Variants in CDH12 observed in about 807,000 individuals in gnomAD.
CDH12 encodes the protein cadherin 12.
In CDH12, 41 loss-of-function variants were observed where a neutral mutation model predicts 74.1. The ratio of observed to expected loss-of-function variants is 0.55; its 90% CI spans 0.43 to 0.72. The LOEUF (loss-of-function observed/expected upper bound fraction) is 0.72. Ranked by LOEUF, CDH12 falls within the 30% of genes least tolerant of loss-of-function variation. CDH12 has a pLI of 0.00. For missense variants in CDH12, 945 were observed against 977.2 expected, an observed-to-expected ratio of 0.97 and a Z score of 0.44; for synonymous variants, 399 against 355.0, an observed-to-expected ratio of 1.12 and a Z score of -1.39.
chr5:22,837,233 A>G (rs1041869119), intron 1 of CDH12, among the ~76,000 whole-genome samples: 9 of 152,228 alleles, frequency 5.9e-5, no homozygotes, highest in African/African-American at 2.2e-4. Flanking sequence ...AGACTGGGCA[A>G]CACAGTAGAC....
chr5:22,289,502 G>C (rs1220674519), intron 3 of CDH12, among the ~76,000 whole-genome samples: 1 of 152,002 alleles, frequency 6.6e-6, no homozygotes, highest in Non-Finnish European at 1.5e-5. Flanking sequence ...ATTGTCTTTG[G>C]ACAATACTAG....
chr5:22,652,240 A>G (rs1739783343), intron 1 of CDH12, among the ~76,000 whole-genome samples: 1 of 152,178 alleles, frequency 6.6e-6, no homozygotes, highest in African/African-American at 2.4e-5. Flanking sequence ...TCTCCTGCAC[A>G]GCACTTAAGA....
At chr5:22,819,232 C>T (rs939014484) in intron 1 of CDH12, among the ~76,000 whole-genome samples, 1 of 152,030 alleles carries the variant, frequency 6.6e-6, no homozygotes, top group African/African-American at 2.4e-5. Flanking sequence ...GAACAGGTGA[C>T]AAAGTGATCC....
At chr5:22,618,878 T>C (rs1331042045) in intron 1 of CDH12, among the ~76,000 whole-genome samples, 2 of 151,848 alleles carry the variant, frequency 1.3e-5, no homozygotes, top group Non-Finnish European at 2.9e-5. Flanking sequence ...GATCTGATGG[T>C]TTTATAAAGG....
intron 5 of CDH12, among the ~76,000 whole-genome samples, chr5:22,033,707 A>G (rs1443779000): frequency 6.6e-6 from 1 of 152,162 alleles, no homozygotes; most frequent in East Asian, 1.9e-4. Context: ...GAAGAAGAAA[A>G]CAGGCAGGAA....
chr5:22,815,939 G>GA lies in CDH12; in HGVS notation c.-523+37118dup, dbSNP rs568117759. ...GAAAAATTAATTATGTTCTAGGTTT[G>GA]AAAAAAAAGAAGGCAAATTGTGAAA... On this transcript the variant is annotated intron_variant, in intron 1 of 14. Coordinates refer to ENST00000382254, the MANE Select transcript of CDH12 (RefSeq NM_004061.5). Among the ~76,000 whole-genome samples the GA allele has an allele frequency of 4.6e-3, 697 of 151,664 alleles. 3 individuals carry two copies. Among genetic ancestry groups the GA allele is most frequent in the African/African-American group, 0.016 (671 of 41,380 alleles).
intron 1 of CDH12, among the ~76,000 whole-genome samples, chr5:22,668,529 G>C (rs1431850698): frequency 6.6e-6 from 1 of 152,198 alleles, no homozygotes; most frequent in Non-Finnish European, 1.5e-5. Context: ...CCTTCCTGCT[G>C]ATGGAGACTC....
intron 6 of CDH12, among the ~76,000 whole-genome samples, chr5:21,896,909 G>A (rs1484795421): frequency 6.6e-6 from 1 of 152,030 alleles, no homozygotes; most frequent in Non-Finnish European, 1.5e-5. Flanking sequence ...TTAGTATGTT[G>A]CTAGAGAAAA....
chr5:22,035,830 A>T (rs935450878), intron 5 of CDH12, among the ~76,000 whole-genome samples: 1 of 152,108 alleles, frequency 6.6e-6, no homozygotes, highest in Non-Finnish European at 1.5e-5. Flanking sequence ...TCCTAAAATG[A>T]AACTTGACCA....
chr5:22,609,709 A>G (rs1031540155), intron 1 of CDH12, among the ~76,000 whole-genome samples: 2 of 152,200 alleles, frequency 1.3e-5, no homozygotes, highest in Non-Finnish European at 2.9e-5. Context: ...GGTAGGAAGA[A>G]AAAAACGTAT....
At chr5:22,732,471 T>TATATACAC (rs1193680928) in intron 1 of CDH12, among the ~76,000 whole-genome samples, 1 of 72,666 alleles carries the variant, frequency 1.4e-5, no homozygotes, top group African/African-American at 5.0e-5. Context: ...TATATATATA[T>TATATACAC]ACACACACAC....
At chr5:22,227,490 T>C (rs1354020218) in intron 3 of CDH12, among the ~76,000 whole-genome samples, 1 of 152,150 alleles carries the variant, frequency 6.6e-6, no homozygotes, top group South Asian at 2.1e-4. Context: ...CCAGTATTTC[T>C]TAAGGTTGAT....
chr5:21,923,838 G>A (rs1014854599), intron 6 of CDH12, among the ~76,000 whole-genome samples: 20 of 152,240 alleles, frequency 1.3e-4, no homozygotes, highest in African/African-American at 4.3e-4. Context: ...CTTTAGATCC[G>A]TTTTTTAAAA....
chr5:22,366,103 C>T (rs997139075), intron 3 of CDH12, among the ~76,000 whole-genome samples: 4 of 151,918 alleles, frequency 2.6e-5, no homozygotes, highest in Admixed American at 6.6e-5. Flanking sequence ...GTATTACAGG[C>T]GCCCGCCACC....
chr5:22,567,084 C>A (rs1044095347), intron 1 of CDH12, among the ~76,000 whole-genome samples: 1 of 152,168 alleles, frequency 6.6e-6, no homozygotes, highest in Non-Finnish European at 1.5e-5. Flanking sequence ...CTTAACTATT[C>A]TTATAACTCC....
chr5:22,692,804 T>C (rs972605544), intron 1 of CDH12, among the ~76,000 whole-genome samples: 5 of 150,590 alleles, frequency 3.3e-5, no homozygotes, highest in African/African-American at 1.2e-4. Context: ...AAGACCAGAG[T>C]TAAGCTTACC....
intron 6 of CDH12, among the ~76,000 whole-genome samples, chr5:21,913,496 T>C (rs1753953725): frequency 6.6e-6 from 1 of 152,138 alleles, no homozygotes; most frequent in African/African-American, 2.4e-5. Context: ...GGTGCTTAAT[T>C]CACAAATTTT....
chr5:21,823,488 T>C (rs745734703), intron 8 of CDH12, among the ~76,000 whole-genome samples: 1 of 152,100 alleles, frequency 6.6e-6, no homozygotes, highest in Non-Finnish European at 1.5e-5. Flanking sequence ...CCCTAACTCT[T>C]GATGATGATA....
At chr5:21,885,521 C>T (rs142651466) in intron 6 of CDH12, among the ~76,000 whole-genome samples, 1 of 152,116 alleles carries the variant, frequency 6.6e-6, no homozygotes, top group African/African-American at 2.4e-5. Context: ...CATATACGGT[C>T]AAACACAATT....
Sources: gnomAD v4.1 joint callset for allele counts (sites outside exome capture counted in the v4.1 genomes callset) on GRCh38, gnomAD v4.1.1 for gene constraint, MANE v1.5 for transcripts, NCBI Gene and HGNC (gene_info 2026-07-23, HGNC 2026-07-21) for gene names.